DISC1: variants seen among roughly 807,000 people sequenced by gnomAD.
DISC1 encodes disrupted in schizophrenia 1 protein.
A neutral mutation model predicts 84.5 loss-of-function variants in DISC1; 57 were observed. That is an observed-to-expected ratio of 0.67 (90% CI 0.55 to 0.84). The LOEUF is 0.84. Among genes scored for constraint, DISC1 ranks in the 40% least tolerant of loss-of-function variants. The pLI is 0.00. For synonymous variants in DISC1, 411 were observed against 415.2 expected, an observed-to-expected ratio of 0.99 and a Z score of 0.12; for missense variants, 1,000 against 1,057.8, an observed-to-expected ratio of 0.95 and a Z score of 0.76.
At chr1:231,837,183 A>G (rs992893282) in intron 9 of DISC1, among the ~76,000 whole-genome samples, 4 of 152,292 alleles carry the variant, frequency 2.6e-5, no homozygotes, top group Middle Eastern at 3.4e-3. Context: ...ATTTTAGCAT[A>G]ATGAAGTTTA....
At chr1:231,674,407 T>C (rs1039563345) in intron 1 of DISC1, among the ~76,000 whole-genome samples, 2 of 152,218 alleles carry the variant, frequency 1.3e-5, no homozygotes, top group Non-Finnish European at 2.9e-5. Context: ...CCATAGCCAT[T>C]GGGATAAGAC....
chr1:232,036,973 T>C lies in DISC1; in HGVS notation c.*142T>C, dbSNP rs780931451. The C allele has an allele frequency of 1.1e-6, 1 of 905,588 alleles. No individual in the cohort carries two copies. Among genetic ancestry groups the C allele is most frequent in the Non-Finnish European group, 1.5e-6 (1 of 651,616 alleles). 56.1% of individuals were successfully genotyped at this position (905,588 alleles called of 1,614,324 possible). A position where few individuals can be genotyped will look rare whatever the true frequency, so the allele number is the denominator to read the frequency against. ...GGTCTTTCAGTGGAAAGGTGGTTCA[T>C]GTTCATTCTCATCAGTGTGAAACTG... On this transcript the variant is annotated 3_prime_UTR_variant, in exon 13 of 13. Coordinates refer to ENST00000439617, the MANE Select transcript of DISC1 (RefSeq NM_018662.3).
At chr1:232,002,595 GCACACACACACACACACACACACACACA>G (rs55740228) in intron 10 of DISC1, among the ~76,000 whole-genome samples, 2 of 143,626 alleles carry the variant, frequency 1.4e-5, no homozygotes, top group African/African-American at 2.6e-5. Context: ...ATTATGCTGA[GCACACACACACACACACACACACACACA>G]CACACACACA....
chr1:231,858,632 G>A (rs200310642), intron 9 of DISC1, among the ~76,000 whole-genome samples: 48 of 152,274 alleles, frequency 3.2e-4, no homozygotes, highest in South Asian at 6.2e-4. Context: ...TTGTTCTGCT[G>A]AAGGTTACAA....
intron 10 of DISC1, among the ~76,000 whole-genome samples, chr1:231,990,962 C>G (rs1665123865): frequency 6.6e-6 from 1 of 152,212 alleles, no homozygotes; most frequent in Non-Finnish European, 1.5e-5. Context: ...CACCTGACAC[C>G]AGTCCTGCCT....
At chr1:231,976,163 A>AAAGTGTT in intron 10 of DISC1, among the ~76,000 whole-genome samples, 1 of 152,314 alleles carries the variant, frequency 6.6e-6, no homozygotes, top group Non-Finnish European at 1.5e-5. Flanking sequence ...ATTTTGGTGC[A>AAAGTGTT]AAGTGTTCAT....
intron 4 of DISC1, among the ~76,000 whole-genome samples, chr1:231,762,181 CTTCTTTTCTTTCTT>C (rs2075738929): frequency 7.8e-6 from 1 of 128,942 alleles, no homozygotes; most frequent in Non-Finnish European, 1.6e-5. Flanking sequence ...CCCTTCCTTC[CTTCTTTTCTTTCTT>C]TTCTTTTCTT....
rs544545987 is a variant in DISC1 at position 231,697,068 on chromosome 1, C to G, written c.1047+2263C>G. Reference sequence around the variant, plus strand: ...AGAACCTCTTGACAGTGGGAATTGTCTGTGATGAGGTGGGCTGGTCAGGGA... The same window carrying G: ...AGAACCTCTTGACAGTGGGAATTGTGTGTGATGAGGTGGGCTGGTCAGGGA... On this transcript the variant is annotated intron_variant, in intron 2 of 12. Coordinates refer to ENST00000439617, the MANE Select transcript of DISC1 (RefSeq NM_018662.3). Among the ~76,000 whole-genome samples, 3 of 152,322 alleles carry G rather than the reference C, an allele frequency of 2.0e-5. No individual in the cohort carries two copies. The East Asian group carries it at 5.8e-4, about 29-fold the overall frequency.
At chr1:231,758,246 C>T (rs1199610228) in intron 4 of DISC1, among the ~76,000 whole-genome samples, 2 of 152,308 alleles carry the variant, frequency 1.3e-5, no homozygotes, top group African/African-American at 4.8e-5. Flanking sequence ...GTCCCTGTCT[C>T]AGGCTCTGCT....
At position 231,870,365 on chromosome 1, in the gene DISC1, G is replaced by T. The variant is rs140589541; in HGVS notation, c.1981+51848G>T. ...CTTTCTTAGATGAGCTAGGCAAAAG[G>T]TTCTAATTAGAGATACCTGTCTTCC... On this transcript the variant is annotated intron_variant, in intron 9 of 12. Transcript: ENST00000439617. Among the ~76,000 whole-genome samples, 739 of 152,352 alleles carry T rather than the reference G, an allele frequency of 4.9e-3. 5 individuals are homozygous for T. Among genetic ancestry groups the T allele is most frequent in the Non-Finnish European group, 8.2e-3 (560 of 68,028 alleles).
At chr1:231,670,869 C>T (rs538288869) in intron 1 of DISC1, 8 of 152,276 alleles carry the variant, frequency 5.3e-5, no homozygotes, top group African/African-American at 1.7e-4. Context: ...TCAAGAAAGC[C>T]TATGGTTGTT....
chr1:231,929,468 G>A lies in DISC1; in HGVS notation c.1982-29360G>A, dbSNP rs564331668. Among the ~76,000 whole-genome samples the A allele has an allele frequency of 5.3e-5, 8 of 152,348 alleles. No homozygotes were observed. The East Asian group carries it at 7.7e-4, about 15-fold the overall frequency. On this transcript the variant is annotated intron_variant, in intron 9 of 12. Transcript: ENST00000439617. ...AACGGCTTGAATCATTCATGCTGTC[G>A]TCTATTAGTCTGCCGCTGTGCTGTT...
intron 12 of DISC1, among the ~76,000 whole-genome samples, chr1:232,030,803 T>C (rs1669939054): frequency 6.6e-6 from 1 of 152,130 alleles, no homozygotes; most frequent in Non-Finnish European, 1.5e-5. Flanking sequence ...TCCACTCATG[T>C]AGTTTATAGA....
chr1:231,974,619 A>G (rs1229329323), intron 10 of DISC1, among the ~76,000 whole-genome samples: 3 of 152,240 alleles, frequency 2.0e-5, no homozygotes, highest in African/African-American at 7.2e-5. Context: ...GATAATTAGC[A>G]GAAGGGCGGA....
At chr1:231,963,105 G>A (rs200392153) in intron 10 of DISC1, among the ~76,000 whole-genome samples, 2 of 152,150 alleles carry the variant, frequency 1.3e-5, no homozygotes, top group Non-Finnish European at 2.9e-5. Flanking sequence ...GCTGCCCGAT[G>A]TCCTAAGCAT....
intron 4 of DISC1, among the ~76,000 whole-genome samples, chr1:231,762,411 TGCA>T (rs1427022004): frequency 6.6e-6 from 1 of 151,756 alleles, no homozygotes; most frequent in Non-Finnish European, 1.5e-5. Flanking sequence ...CATAGCTCAC[TGCA>T]GCCTCTAACT....
chr1:231,825,351 G>T (rs1306334950), intron 9 of DISC1, among the ~76,000 whole-genome samples: 2 of 152,028 alleles, frequency 1.3e-5, no homozygotes, highest in Non-Finnish European at 2.9e-5. Context: ...AATAGGGTGG[G>T]TACATGTGTC....
intron 9 of DISC1, among the ~76,000 whole-genome samples, chr1:231,928,459 G>T (rs1165416319): frequency 2.0e-5 from 3 of 152,156 alleles, no homozygotes; most frequent in Non-Finnish European, 4.4e-5. Flanking sequence ...TTCTTTATTA[G>T]TCTAGCTAGC....
intron 8 of DISC1, among the ~76,000 whole-genome samples, chr1:231,815,536 A>C (rs1459064973): frequency 6.6e-6 from 1 of 152,194 alleles, no homozygotes; most frequent in Non-Finnish European, 1.5e-5. Flanking sequence ...CAGGAGTTTG[A>C]GAACAGTCTG....
Sources: gnomAD v4.1 joint callset for allele counts (sites outside exome capture counted in the v4.1 genomes callset) on GRCh38, gnomAD v4.1.1 for gene constraint, MANE v1.5 for transcripts, NCBI Gene and HGNC (gene_info 2026-07-23, HGNC 2026-07-21) for gene names.